Variants in CEMIP2 observed in about 807,000 individuals in gnomAD.
CEMIP2 encodes cell migration inducing hyaluronidase 2.
A neutral mutation model predicts 146.9 loss-of-function variants in CEMIP2; 79 were observed. The observed-to-expected ratio is 0.54, with a 90% CI of 0.45 to 0.65. CEMIP2 has a LOEUF of 0.65. Ranked by LOEUF, CEMIP2 falls within the 30% of genes least tolerant of loss-of-function variation. The pLI, the probability that CEMIP2 is intolerant of heterozygous loss-of-function variation, is 0.00. For missense variants in CEMIP2, 1,596 were observed against 1,696.2 expected, an observed-to-expected ratio of 0.94 and a Z score of 1.04; for synonymous variants, 601 against 606.3, an observed-to-expected ratio of 0.99 and a Z score of 0.13.
In CEMIP2 at chr9:71,740,051, C is replaced by T; in HGVS notation, c.1204+12G>A. The T allele has an allele frequency of 6.2e-7, 1 of 1,611,972 alleles. No homozygotes were observed. Among genetic ancestry groups the T allele is most frequent in the Non-Finnish European group, 8.5e-7 (1 of 1,178,982 alleles). On this transcript the variant is annotated intron_variant, in intron 5 of 23. Coordinates refer to ENST00000377044, the MANE Select transcript of CEMIP2 (RefSeq NM_013390.3). ...TCAGTGTCTTACAAGAGTATAAACTCTACTTGCCTACCTTCAATCCATTCA... is the reference window on the plus strand; with the variant it reads ...TCAGTGTCTTACAAGAGTATAAACTTTACTTGCCTACCTTCAATCCATTCA...
intron 4 of CEMIP2, among the ~76,000 whole-genome samples, chr9:71,744,358 G>A (rs1589160238): frequency 2.0e-5 from 3 of 152,026 alleles, no homozygotes; most frequent in Non-Finnish European, 2.9e-5. Flanking sequence ...TCGGGCAACG[G>A]GGCAAGACCC....
rs538377622 is a variant in CEMIP2, at chr9:71,685,806, A to G, written c.3892T>C (p.Leu1298=). 9.3e-6 allele frequency: 15 copies of G among 1,614,072 alleles called. No homozygotes were observed. The highest frequency in any genetic ancestry group is 4.5e-5 in the East Asian group (2 of 44,868). ...GGTACTAGTAAGTGTGAAATGTTTA[A>G]CTGCTTTATTTCTCCTCTTGTGCTC... is the stretch of plus-strand genomic sequence containing the variant. ...LLSTRGEIKQ[L]NISHLLVPLG... Residue 1298 remains leucine, a synonymous_variant, in exon 23 of 24, where the codon TTA becomes CTA. Transcript: ENST00000377044.
intron 1 of CEMIP2, among the ~76,000 whole-genome samples, chr9:71,757,245 T>G (rs1338701022): frequency 6.6e-6 from 1 of 152,230 alleles, no homozygotes; most frequent in Non-Finnish European, 1.5e-5. Context: ...TTTGATTCAT[T>G]TAAGCTCTCT....
At chr9:71,698,242 A>T (rs1011634649) in intron 19 of CEMIP2, 38 bp from the exon 20 acceptor site, 40 of 1,578,904 alleles carry the variant, frequency 2.5e-5, no homozygotes, top group Middle Eastern at 3.4e-4. Context: ...AGTTAGACTT[A>T]TTCTCAAAAA....
At chr9:71,758,751 A>G (rs1184496050) in intron 1 of CEMIP2, among the ~76,000 whole-genome samples, 1 of 152,188 alleles carries the variant, frequency 6.6e-6, no homozygotes, top group African/African-American at 2.4e-5. Flanking sequence ...TTGCAGGGTG[A>G]CTTCTGTTTG....
Position 71,685,282 on chromosome 9 carries a change from T to A in CEMIP2, c.4067A>T (p.Gln1356Leu). Residue 1356 changes from glutamine (Q) to leucine (L), a missense_variant, in exon 24 of 24, where the codon CAG becomes CTG. Transcript: ENST00000377044. ...LGVLEQFIPL[Q>L]LDEYGCPRAT... ...TCTGGGACAACCATATTCGTCCAGC[T>A]GCAAAGGTATGAATTGTTCAAGCAC... 5 of 1,612,650 alleles carry A rather than the reference T, an allele frequency of 3.1e-6. No individual in the cohort carries two copies. In the Middle Eastern group the frequency reaches 8.2e-4, roughly 266 times the overall value.
chr9:71,752,571 T>C (rs1278397577), intron 1 of CEMIP2, among the ~76,000 whole-genome samples: 1 of 143,326 alleles, frequency 7.0e-6, no homozygotes, highest in Non-Finnish European at 1.5e-5. Context: ...GTGTGCCCTA[T>C]GGCTTCAGAA....
intron 4 of CEMIP2, among the ~76,000 whole-genome samples, chr9:71,741,246 G>GAGTACAATGGCGCAATCTCGGCTCACCGC (rs2131995391): frequency 1.4e-5 from 2 of 142,402 alleles, no homozygotes; most frequent in Non-Finnish European, 3.0e-5. Context: ...ACCCAGGCTG[G>GAGTACAATGGCGCAATCTCGGCTCACCGC]AGTACAATGG....
intron 5 of CEMIP2, among the ~76,000 whole-genome samples, chr9:71,738,324 C>T (rs987023838): frequency 2.0e-5 from 3 of 152,086 alleles, no homozygotes; most frequent in African/African-American, 7.2e-5. Flanking sequence ...ACCAGCCTGA[C>T]CAACATGGTG....
At chr9:71,749,419 CT>C (rs1314046451) in intron 2 of CEMIP2, among the ~76,000 whole-genome samples, 1 of 150,050 alleles carries the variant, frequency 6.7e-6, no homozygotes, top group East Asian at 1.9e-4. Flanking sequence ...AAAAAAAAAA[CT>C]TGCGGCCGGG....
chr9:71,710,221 G>T (rs1822867343), intron 16 of CEMIP2, among the ~76,000 whole-genome samples: 1 of 152,174 alleles, frequency 6.6e-6, no homozygotes, highest in Admixed American at 6.5e-5. Flanking sequence ...AAAATGGGCT[G>T]CAGGTGACAT....
intron 17 of CEMIP2, among the ~76,000 whole-genome samples, chr9:71,705,478 T>C (rs1267072010): frequency 6.6e-6 from 1 of 152,142 alleles, no homozygotes; most frequent in African/African-American, 2.4e-5. Flanking sequence ...AATCAGTATC[T>C]GTAACCAAAT....
At chr9:71,753,127 C>T (rs1824311499) in intron 1 of CEMIP2, among the ~76,000 whole-genome samples, 2 of 152,244 alleles carry the variant, frequency 1.3e-5, no homozygotes, top group Middle Eastern at 3.4e-3. Context: ...AAAGGGCTAA[C>T]GTAGGTATTC....
Position 71,758,181 on chromosome 9 carries a change from G to A in CEMIP2, c.-12-7796C>T, listed in dbSNP as rs1354206951. ...CTATTTATGAGAAAACGGACATATG[G>A]TTGAAACAATTAAGTCAACTTTCAT... On this transcript the variant is annotated intron_variant, in intron 1 of 23. Coordinates refer to ENST00000377044, the MANE Select transcript of CEMIP2 (RefSeq NM_013390.3). 4.6e-5 allele frequency among the ~76,000 whole-genome samples: 7 copies of A among 152,248 alleles called. 1 individual carries two copies. Among genetic ancestry groups the A allele is most frequent in the African/African-American group, 1.7e-4 (7 of 41,554 alleles).
chr9:71,726,587 T>G (rs776615473), intron 10 of CEMIP2, among the ~76,000 whole-genome samples: 12 of 152,196 alleles, frequency 7.9e-5, no homozygotes, highest in Non-Finnish European at 1.6e-4. Context: ...AAGATAGAGA[T>G]AATTAAAATA....
chr9:71,759,300 T>A (rs532782264), intron 1 of CEMIP2, among the ~76,000 whole-genome samples: 2 of 151,114 alleles, frequency 1.3e-5, no homozygotes, highest in East Asian at 1.9e-4. Flanking sequence ...ATTATCTCCT[T>A]CCTTAAAGAA....
intron 1 of CEMIP2, among the ~76,000 whole-genome samples, chr9:71,767,894 G>A: frequency 6.6e-6 from 1 of 152,128 alleles, no homozygotes; most frequent in Non-Finnish European, 1.5e-5. Flanking sequence ...AAGCGCGCGC[G>A]CACTGAAGCC....
chr9:71,694,030 A>G (rs1249147760), intron 21 of CEMIP2, among the ~76,000 whole-genome samples: 1 of 152,158 alleles, frequency 6.6e-6, no homozygotes, highest in African/African-American at 2.4e-5. Flanking sequence ...CAGACACTCA[A>G]TTTGCTGGTG....
chr9:71,700,978 C>T (rs1822543265), intron 18 of CEMIP2, among the ~76,000 whole-genome samples, 154 bp from the exon 19 acceptor site: 1 of 152,346 alleles, frequency 6.6e-6, no homozygotes, highest in Middle Eastern at 3.4e-3. Context: ...TGTTGGGCCA[C>T]TGACAGTGGA....
Sources: gnomAD v4.1 joint callset for allele counts (sites outside exome capture counted in the v4.1 genomes callset) on GRCh38, gnomAD v4.1.1 for gene constraint, MANE v1.5 for transcripts, NCBI Gene and HGNC (gene_info 2026-07-23, HGNC 2026-07-21) for gene names.